The following CCDC136 variants were observed in gnomAD, a reference collection of about 807,000 sequenced individuals.
The protein encoded by CCDC136 is coiled-coil domain containing 136, also known as coiled-coil domain-containing protein 136.
In CCDC136, 100 loss-of-function variants were observed where a neutral mutation model predicts 141.2. The ratio of observed to expected loss-of-function variants is 0.71; its 90% CI spans 0.60 to 0.84. The LOEUF (loss-of-function observed/expected upper bound fraction) is 0.84, where lower values mean the gene tolerates loss of function less well. CCDC136 is among the 40% of genes least tolerant of loss of function. The pLI is 0.00. For synonymous variants in CCDC136, 474 were observed against 531.9 expected, an observed-to-expected ratio of 0.89 and a Z score of 1.50; for missense variants, 1,206 against 1,379.4, an observed-to-expected ratio of 0.87 and a Z score of 1.99.
chr7:128,812,578 T>C, intron 13 of CCDC136, 130 bp from the exon 14 acceptor site: 2 of 754,308 alleles, frequency 2.7e-6, no homozygotes, highest in South Asian at 3.4e-5. Flanking sequence ...TGGGGGTAAA[T>C]ATAGTAATCC....
chr7:128,799,539 C>T (rs1223763975), intron 3 of CCDC136, among the ~76,000 whole-genome samples: 5 of 151,302 alleles, frequency 3.3e-5, no homozygotes, highest in Non-Finnish European at 7.4e-5. Context: ...ATGCTCTCTG[C>T]CTCGATAAAG....
Position 128,812,240 on chromosome 7 carries a change from C to T in CCDC136, c.2469C>T (p.Ser823=). ...AGAAGAGTTACGGCAGCACCAGTAGCTCTGACACCTGCCAGAAGAGTTTTG... is the reference window on the plus strand; with the variant it reads ...AGAAGAGTTACGGCAGCACCAGTAGTTCTGACACCTGCCAGAAGAGTTTTG... ...TYKKSYGSTS[S]SDTCQKSFVS... The change falls in exon 13 of 18, where the codon AGC becomes AGT. Residue 823 remains serine, a synonymous_variant. Coordinates refer to ENST00000297788, the MANE Select transcript of CCDC136 (RefSeq NM_022742.5). 1 of 1,613,858 alleles carries T rather than the reference C, an allele frequency of 6.2e-7. No homozygotes were observed. Among genetic ancestry groups the T allele is most frequent in the Non-Finnish European group, 8.5e-7 (1 of 1,179,804 alleles).
At chr7:128,792,543 CT>C in intron 1 of CCDC136, 116 bp downstream of exon 1, 1 of 715,650 alleles carries the variant, frequency 1.4e-6, no homozygotes, top group Non-Finnish European at 2.3e-6. Flanking sequence ...CTCAGTTCAT[CT>C]TAGCCCCTCT....
chr7:128,806,549 A>G lies in CCDC136; in HGVS notation c.1249-139A>G, dbSNP rs952791201. 5.7e-6 allele frequency: 6 copies of G among 1,045,616 alleles called. No homozygotes were observed. The African/African-American group carries it at 6.5e-5, about 11-fold the overall frequency. 64.8% of individuals were successfully genotyped at this position (1,045,616 alleles called of 1,614,324 possible). A position where few individuals can be genotyped will look rare whatever the true frequency, so the allele number is the denominator to read the frequency against. On this transcript the variant is annotated intron_variant, in intron 8 of 17. Transcript: ENST00000297788. ...AGAACTCCAGCCCTGCTCGAGTACT[A>G]CATTAGATATGAGGACATTAGGAAG...
rs1465503650 is a variant in CCDC136, at chr7:128,804,757, G to A, written c.778G>A (p.Glu260Lys). ...LTGQLADLESERTQRATERWL... is the reference protein window; with the variant it reads ...LTGQLADLESKRTQRATERWL... ...GGGGCAGCTTGCAGATCTGGAGAGT[G>A]AGAGGTACAGCTGTCTCTGGAGAGT... Residue 260 changes from glutamate (E) to lysine (K), a missense_variant, in exon 5 of 18, where the codon GAG (glutamate) becomes AAG (lysine). Glu to Lys is a moderately conservative substitution (Grantham distance 56). Coordinates refer to ENST00000297788, the MANE Select transcript of CCDC136 (RefSeq NM_022742.5). 1 of 1,579,414 alleles carries A rather than the reference G, an allele frequency of 6.3e-7. No individual in the cohort carries two copies. Among genetic ancestry groups the A allele is most frequent in the Non-Finnish European group, 8.6e-7 (1 of 1,157,926 alleles).
At position 128,811,814 on chromosome 7, in the gene CCDC136, C is replaced by A. The variant is rs1404652942; in HGVS notation, c.2043C>A (p.Leu681=). 1 of 1,583,478 alleles carries A rather than the reference C, an allele frequency of 6.3e-7. No homozygotes were observed. The highest frequency in any genetic ancestry group is 1.2e-5 in the South Asian group (1 of 85,832). ...CCTGCCCCCAGCAATCCAAGCTGCT[C>A]ATGGAGCAGATGCAGGCCCTGCAGG... ...KCNRNKQSKL[L]MEQMQALQVM... Residue 681 remains leucine (L), a synonymous_variant, in exon 13 of 18, where the codon CTC becomes CTA. Coordinates refer to ENST00000297788, the MANE Select transcript of CCDC136 (RefSeq NM_022742.5).
chr7:128,797,979 G>T (rs369579279), intron 3 of CCDC136, among the ~76,000 whole-genome samples: 1 of 151,030 alleles, frequency 6.6e-6, no homozygotes, highest in East Asian at 2.0e-4. Context: ...GTGCAGTGGC[G>T]TGATCTCGGC....
chr7:128,814,199 T>TTTCA (rs1446783622), intron 14 of CCDC136, among the ~76,000 whole-genome samples: 3 of 151,812 alleles, frequency 2.0e-5, no homozygotes, highest in African/African-American at 7.3e-5. Context: ...GATTCTCCTG[T>TTTCA]TTCAGCTTCC....
At chr7:128,813,462 C>T (rs1432885916) in intron 14 of CCDC136, among the ~76,000 whole-genome samples, 1 of 152,120 alleles carries the variant, frequency 6.6e-6, no homozygotes, top group Non-Finnish European at 1.5e-5. Context: ...GAGCAGCGAA[C>T]ACATGGGTCC....
At position 128,805,908 on chromosome 7, in the gene CCDC136, A is replaced by G; in HGVS notation, c.1089+7A>G. 6.2e-7 allele frequency: 1 copy of G among 1,613,732 alleles called. No homozygotes were observed. The highest frequency in any genetic ancestry group is 8.5e-7 in the Non-Finnish European group (1 of 1,179,850). The stretch of plus-strand genomic sequence containing the variant: ...CTCCCACAGTGTCACCCAGGTAAAC[A>G]CTGCCCGGGGAGGCATCTGGGGTGG... On this transcript the variant is annotated splice_region_variant and intron_variant, in intron 7 of 17. Coordinates refer to ENST00000297788, the MANE Select transcript of CCDC136 (RefSeq NM_022742.5). The surrounding 1 kb of genome is among the most constrained non-coding windows in gnomAD (Gnocchi z 4.6).
At chr7:128,802,914 AC>A (rs1804263957) in intron 4 of CCDC136, among the ~76,000 whole-genome samples, 1 of 152,264 alleles carries the variant, frequency 6.6e-6, no homozygotes, top group African/African-American at 2.4e-5. Flanking sequence ...TTGCACACTT[AC>A]CAAATCTGAG....
At chr7:128,799,873 C>T (rs1004006427) in intron 3 of CCDC136, among the ~76,000 whole-genome samples, 1 of 152,112 alleles carries the variant, frequency 6.6e-6, no homozygotes, top group African/African-American at 2.4e-5. Flanking sequence ...CGTTCTGATC[C>T]CAGATGGGTA....
At chr7:128,814,587 C>T in intron 14 of CCDC136, 51 bp from the exon 15 acceptor site, 2 of 1,479,308 alleles carry the variant, frequency 1.4e-6, no homozygotes, top group Non-Finnish European at 1.8e-6. Context: ...GGTCAGCCAA[C>T]TGGTTGCATA....
chr7:128,815,785 A>G lies in CCDC136; in HGVS notation c.3217A>G (p.Lys1073Glu), dbSNP rs1806520634. Residue 1073 changes from lysine (K) to glutamate (E), a missense_variant, in exon 16 of 18, where the codon AAA becomes GAA. By Grantham distance (56) the Lys-to-Glu change is moderately conservative. Transcript: ENST00000297788. ...VAEPADPEEA[K>E]STEDQEENEE... Reference sequence around the variant, plus strand: ...TGAGCCAGCAGATCCTGAGGAAGCTAAATCCACAGAAGATCAGGAGGAAAA... The same window carrying G: ...TGAGCCAGCAGATCCTGAGGAAGCTGAATCCACAGAAGATCAGGAGGAAAA... 6.3e-7 allele frequency: 1 copy of G among 1,586,928 alleles called. No individual in the cohort carries two copies. Among genetic ancestry groups the G allele is most frequent in the African/African-American group, 1.3e-5 (1 of 74,110 alleles).
At chr7:128,806,975 A>G (rs1301232667) in intron 9 of CCDC136, 117 bp downstream of exon 9, 1 of 1,062,028 alleles carries the variant, frequency 9.4e-7, no homozygotes, top group South Asian at 2.0e-5. Flanking sequence ...TGAGGGGGCC[A>G]AAGAGGTGCT....
At position 128,817,980 on chromosome 7, in the gene CCDC136, T is replaced by C. The variant is rs2128925963; in HGVS notation, c.*5+116T>C. 3 of 753,562 alleles carry C rather than the reference T, an allele frequency of 4.0e-6. No homozygotes were observed. Among genetic ancestry groups the C allele is most frequent in the Non-Finnish European group, 6.9e-6 (3 of 435,384 alleles). The allele number at this position is 753,562 out of a possible 1,614,324, so 46.7% of individuals were successfully genotyped here. ...GCTTCTTGCTTGTGCCATTTTATAA[T>C]AGGTGATGCTCAGGTCTGAGTTTTA... On this transcript the variant is annotated intron_variant, in intron 17 of 17. Transcript: ENST00000297788. The surrounding 1 kb of genome is among the most constrained non-coding windows in gnomAD (Gnocchi z 4.6).
chr7:128,792,013 C>T lies in CCDC136; in HGVS notation c.-399C>T. On this transcript the variant is annotated 5_prime_UTR_variant, in exon 1 of 18. Coordinates refer to ENST00000297788, the MANE Select transcript of CCDC136 (RefSeq NM_022742.5). Reference sequence around the variant, plus strand: ...AGCCTTTCAGCCTCTTCTTCACTGGCTCCCGCCCTCTTTCAGTCTTGGCCC... The same window carrying T: ...AGCCTTTCAGCCTCTTCTTCACTGGTTCCCGCCCTCTTTCAGTCTTGGCCC... The T allele has an allele frequency of 8.2e-7, 1 of 1,212,346 alleles. No individual in the cohort carries two copies. The highest frequency in any genetic ancestry group is 1.0e-6 in the Non-Finnish European group (1 of 972,014). The allele number at this position is 1,212,346 out of a possible 1,614,324, so 75.1% of individuals were successfully genotyped here.
chr7:128,814,113 G>A (rs926304387), intron 14 of CCDC136, among the ~76,000 whole-genome samples: 1 of 150,730 alleles, frequency 6.6e-6, no homozygotes, highest in African/African-American at 2.4e-5. Flanking sequence ...TTGAGACAGA[G>A]TCTTGCTCTG....
Position 128,792,353 on chromosome 7 carries a change from C to T in CCDC136, c.-59C>T. 2.8e-5 allele frequency: 44 copies of T among 1,588,724 alleles called. No homozygotes were observed. Among genetic ancestry groups the T allele is most frequent in the Non-Finnish European group, 3.8e-5 (44 of 1,165,754 alleles). ...GTGACCACTCTAGGCTCCTATGAGG[C>T]TTCCGAGGGCTGTGAGAGGAAGAAG... On this transcript the variant is annotated 5_prime_UTR_variant, in exon 1 of 18. Coordinates refer to ENST00000297788, the MANE Select transcript of CCDC136 (RefSeq NM_022742.5).
Sources: allele counts gnomAD v4.1 joint callset (sites outside exome capture counted in the v4.1 genomes callset), GRCh38; gene constraint gnomAD v4.1.1; non-coding constraint Gnocchi (gnomAD v3.1); transcripts MANE v1.5; gene names NCBI Gene and HGNC (gene_info 2026-07-23, HGNC 2026-07-21).